CASZ1: variants seen among roughly 807,000 people sequenced by gnomAD.
The protein encoded by CASZ1 is castor zinc finger 1.
CASZ1 carries 28 observed loss-of-function variants against 135.2 expected under a neutral mutation model. That is an observed-to-expected ratio of 0.21 (90% CI 0.15 to 0.28). The LOEUF is 0.28. CASZ1 is among the 10% of genes least tolerant of loss of function. The pLI, the probability that CASZ1 is intolerant of heterozygous loss-of-function variation, is 1.00. For missense variants in CASZ1, 2,161 were observed against 2,453.3 expected (o/e 0.88, Z 2.52); for synonymous variants, 1,068 against 1,073.4 (o/e 0.99, Z 0.10).
At chr1:10,688,751 C>T (rs550285500) in intron 4 of CASZ1, among the ~76,000 whole-genome samples, 56 of 152,316 alleles carry the variant, frequency 3.7e-4, no homozygotes, top group African/African-American at 1.2e-3. Flanking sequence ...GTTCTGTGGC[C>T]AGGCAGCCAG....
intron 4 of CASZ1, 112 bp from the exon 5 acceptor site, chr1:10,665,683 G>T: frequency 7.9e-7 from 1 of 1,268,124 alleles, no homozygotes; most frequent in Non-Finnish European, 1.1e-6. Context: ...ATTGACCACA[G>T]TGCCATCAAA....
intron 4 of CASZ1, among the ~76,000 whole-genome samples, chr1:10,689,770 C>T (rs779462015): frequency 4.6e-5 from 7 of 152,230 alleles, no homozygotes; most frequent in Non-Finnish European, 7.3e-5. Context: ...CCACTCACCC[C>T]CTACTCCCAC....
chr1:10,784,657 G>A (rs1640823691), intron 1 of CASZ1, among the ~76,000 whole-genome samples: 1 of 152,126 alleles, frequency 6.6e-6, no homozygotes, highest in Non-Finnish European at 1.5e-5. Flanking sequence ...TCCGCCATCT[G>A]GGTTCAAACA....
chr1:10,785,697 ACAACCGTTGTCCTCTGC>A (rs1260835515), intron 1 of CASZ1, among the ~76,000 whole-genome samples: 4 of 152,238 alleles, frequency 2.6e-5, no homozygotes, highest in Admixed American at 2.6e-4. Context: ...GGCTAAAGGG[ACAACCGTTGTCCTCTGC>A]CCCTTGGCTA....
chr1:10,763,409 G>A (rs1248347623), intron 1 of CASZ1, among the ~76,000 whole-genome samples: 2 of 152,174 alleles, frequency 1.3e-5, no homozygotes, highest in East Asian at 3.8e-4. Context: ...CCAGCCAGAC[G>A]GAGACGATGC....
Position 10,638,822 on chromosome 1 carries a change from G to A in CASZ1, c.*120C>T. 1 of 930,854 alleles carries A rather than the reference G, an allele frequency of 1.1e-6. No individual in the cohort carries two copies. The highest frequency in any genetic ancestry group is 1.8e-5 in the African/African-American group (1 of 56,060). 57.7% of individuals were successfully genotyped at this position (930,854 alleles called of 1,614,324 possible). A position where few individuals can be genotyped will look rare whatever the true frequency, so the allele number is the denominator to read the frequency against. ...GGGTCCCCGCCTCTGTCCTGAGACG[G>A]ACTCGGGGTCCGGAAGCACCGGCGG... On this transcript the variant is annotated 3_prime_UTR_variant, in exon 21 of 21. Coordinates refer to ENST00000377022, the MANE Select transcript of CASZ1 (RefSeq NM_001079843.3). This position sits in a 1 kb window ranked among gnomAD's most constrained non-coding sequence, Gnocchi z 5.9.
At chr1:10,740,197 GC>G (rs1365292655) in intron 2 of CASZ1, among the ~76,000 whole-genome samples, 1 of 152,200 alleles carries the variant, frequency 6.6e-6, no homozygotes, top group African/African-American at 2.4e-5. Flanking sequence ...AAGGCCACTT[GC>G]CCAATGTCTC....
rs1420178247 is a variant in CASZ1 at position 10,756,012 on chromosome 1, G to A, written c.-77+4689C>T. Among the ~76,000 whole-genome samples, 1 of 152,024 alleles carries A rather than the reference G, an allele frequency of 6.6e-6. No homozygotes were observed. The highest frequency in any genetic ancestry group is 2.4e-5 in the African/African-American group (1 of 41,386). ...GGCGGAAAGCAGAAAAACCTCCCAC[G>A]CGTGCACAGATGCACACGCCTCCCA... On this transcript the variant is annotated intron_variant, in intron 2 of 20. Transcript: ENST00000377022. The surrounding 1 kb of genome is among the most constrained non-coding windows in gnomAD (Gnocchi z 5.9).
At chr1:10,678,176 C>T (rs984532693) in intron 4 of CASZ1, among the ~76,000 whole-genome samples, 1 of 152,266 alleles carries the variant, frequency 6.6e-6, no homozygotes, top group Non-Finnish European at 1.5e-5. Flanking sequence ...CAGAGGAACA[C>T]GGGGTGGCAC....
chr1:10,762,839 G>A lies in CASZ1; in HGVS notation c.-233-1982C>T, dbSNP rs1464992714. ...CAGGCCAACGGTGAACACTCTCGGTGTTTCATGTCCTTGGCTCAGAGGAGG... is the reference window on the plus strand; with the variant it reads ...CAGGCCAACGGTGAACACTCTCGGTATTTCATGTCCTTGGCTCAGAGGAGG... On this transcript the variant is annotated intron_variant, in intron 1 of 20. Coordinates refer to ENST00000377022, the MANE Select transcript of CASZ1 (RefSeq NM_001079843.3). This position sits in a 1 kb window ranked among gnomAD's most constrained non-coding sequence, Gnocchi z 4.1. Among the ~76,000 whole-genome samples, 11 of 152,232 alleles carry A rather than the reference G, an allele frequency of 7.2e-5. No individual in the cohort carries two copies. Among genetic ancestry groups the A allele is most frequent in the Non-Finnish European group, 1.5e-4 (10 of 68,042 alleles).
chr1:10,705,869 C>G (rs574871978), intron 2 of CASZ1, among the ~76,000 whole-genome samples: 2 of 152,200 alleles, frequency 1.3e-5, no homozygotes, highest in Non-Finnish European at 2.9e-5. Context: ...TGGAGGAGGC[C>G]GGGAGTGGGG....
rs571453499 is a variant in CASZ1 at position 10,734,523 on chromosome 1, G to A, written c.-77+26178C>T. On this transcript the variant is annotated intron_variant, in intron 2 of 20. Transcript: ENST00000377022. ...TTCTCTAGGGCATGTGGATTAGCTC[G>A]GAAAGCCTGAATGATTAAAATACAC... 9.2e-5 allele frequency among the ~76,000 whole-genome samples: 14 copies of A among 152,226 alleles called. No homozygotes were observed. In the East Asian group the frequency reaches 2.1e-3, roughly 23 times the overall value.
At chr1:10,686,610 G>A (rs543190865) in intron 4 of CASZ1, among the ~76,000 whole-genome samples, 5 of 152,228 alleles carry the variant, frequency 3.3e-5, no homozygotes, top group South Asian at 4.1e-4. Flanking sequence ...GCCCCTCCCC[G>A]CCACCCTCTC....
At chr1:10,728,440 G>A (rs911925303) in intron 2 of CASZ1, among the ~76,000 whole-genome samples, 5 of 152,094 alleles carry the variant, frequency 3.3e-5, no homozygotes, top group Admixed American at 1.3e-4. Context: ...CTTCCCCTCC[G>A]GTCACCAGGA....
chr1:10,717,935 T>C lies in CASZ1; in HGVS notation c.-76-12391A>G, dbSNP rs1302367478. ...GTGCAGCCGCTGCGAGCACGCCTGG[T>C]CGCCTCAGCGACCAAAGCGGGTGCA... On this transcript the variant is annotated intron_variant, in intron 2 of 20. Coordinates refer to ENST00000377022, the MANE Select transcript of CASZ1 (RefSeq NM_001079843.3). The surrounding 1 kb of genome is among the most constrained non-coding windows in gnomAD (Gnocchi z 4.6). 1.3e-5 allele frequency among the ~76,000 whole-genome samples: 2 copies of C among 152,214 alleles called. No individual in the cohort carries two copies. Among genetic ancestry groups the C allele is most frequent in the African/African-American group, 2.4e-5 (1 of 41,452 alleles).
chr1:10,742,877 C>T (rs527741685), intron 2 of CASZ1, among the ~76,000 whole-genome samples: 24 of 152,042 alleles, frequency 1.6e-4, no homozygotes, highest in East Asian at 7.8e-4. Context: ...CCCAGTTACT[C>T]GGGAGGCTGA....
chr1:10,649,613 A>C, intron 13 of CASZ1, 176 bp from the exon 14 acceptor site: 1 of 710,552 alleles, frequency 1.4e-6, no homozygotes, highest in Non-Finnish European at 2.3e-6. Flanking sequence ...CTGAACAGAG[A>C]GCCTGCTGTG....
Position 10,639,095 on chromosome 1 carries a change from GTCCTCGTCGTCGTCC to G in CASZ1, c.5112_5126del (p.Glu1704_Glu1708del), listed in dbSNP as rs1642099204. ...CGGTGCGCAGGTCCTCGTCGTCGTCGTCCTCGTCGTCGTCCTCGTCGTCGTCGTCCTCGTCGTCGT... is the reference window on the plus strand; with the variant it reads ...CGGTGCGCAGGTCCTCGTCGTCGTCGTCGTCGTCGTCGTCCTCGTCGTCGT... On this transcript the variant is annotated inframe_deletion, in exon 21 of 21. Coordinates refer to ENST00000377022, the MANE Select transcript of CASZ1 (RefSeq NM_001079843.3). This position sits in a 1 kb window ranked among gnomAD's most constrained non-coding sequence, Gnocchi z 4.0. 2 of 1,135,328 alleles carry G rather than the reference GTCCTCGTCGTCGTCC, an allele frequency of 1.8e-6. No individual in the cohort carries two copies. The highest frequency in any genetic ancestry group is 3.6e-5 in the Admixed American group (1 of 27,516). 70.3% of individuals were successfully genotyped at this position (1,135,328 alleles called of 1,614,324 possible).
At chr1:10,691,010 C>T (rs549815179) in intron 4 of CASZ1, among the ~76,000 whole-genome samples, 45 of 151,984 alleles carry the variant, frequency 3.0e-4, no homozygotes, top group African/African-American at 1.0e-3. Flanking sequence ...CCCCCCTTCC[C>T]GCTCCCTCCC....
Sources: allele counts gnomAD v4.1 joint callset (sites outside exome capture counted in the v4.1 genomes callset), GRCh38; gene constraint gnomAD v4.1.1; non-coding constraint Gnocchi (gnomAD v3.1); transcripts MANE v1.5; gene names NCBI Gene and HGNC (gene_info 2026-07-23, HGNC 2026-07-21).